CLK4: variants seen among roughly 807,000 people sequenced by gnomAD.
The protein encoded by CLK4 is dual specificity protein kinase CLK4.
CLK4 carries 37 observed loss-of-function variants against 64.4 expected under a neutral mutation model. That is an observed-to-expected ratio of 0.57 (90% CI 0.44 to 0.76). The LOEUF (loss-of-function observed/expected upper bound fraction) is 0.76, where lower values mean the gene tolerates loss of function less well. Ranked by LOEUF, CLK4 falls within the 30% of genes least tolerant of loss-of-function variation. The probability of loss-of-function intolerance (pLI) is 0.00; values close to 1 mark genes in which losing one functional copy is unlikely to be tolerated. For missense variants in CLK4, 457 were observed against 605.1 expected, an observed-to-expected ratio of 0.76 and a Z score of 2.57; for synonymous variants, 175 against 191.6, an observed-to-expected ratio of 0.91 and a Z score of 0.72.
At chr5:178,615,202 T>G (rs1190797194) in intron 5 of CLK4, among the ~76,000 whole-genome samples, 1 of 152,216 alleles carries the variant, frequency 6.6e-6, no homozygotes, top group African/African-American at 2.4e-5. Context: ...AAAAATTTTT[T>G]TTAAGATACA....
At chr5:178,612,215 G>A (rs1019912026) in intron 9 of CLK4, among the ~76,000 whole-genome samples, 3 of 152,066 alleles carry the variant, frequency 2.0e-5, no homozygotes, top group Non-Finnish European at 2.9e-5. Context: ...ACCACCACCT[G>A]GAATATCTTT....
chr5:178,609,409 G>A lies in CLK4; in HGVS notation c.1052-951C>T, dbSNP rs556325679. Among the ~76,000 whole-genome samples the A allele has an allele frequency of 6.5e-4, 99 of 152,244 alleles. 1 individual carries two copies. The South Asian group carries it at 0.02, about 30-fold the overall frequency. ...GATAATAATAGAGCATGGGCCAGGCGCGGTGGCTCATGCCTGTAATCCCAG... is the reference window on the plus strand; with the variant it reads ...GATAATAATAGAGCATGGGCCAGGCACGGTGGCTCATGCCTGTAATCCCAG... On this transcript the variant is annotated intron_variant, in intron 9 of 12. Transcript: ENST00000316308.
In CLK4 at chr5:178,612,651, A is replaced by G. The variant is rs550008874; in HGVS notation, c.922-106T>C. On this transcript the variant is annotated intron_variant, in intron 8 of 12. Coordinates refer to ENST00000316308, the MANE Select transcript of CLK4 (RefSeq NM_020666.3). ...TCTTCTTGATTGTCAAAGTAAGCTCATGAGAAAGGCAAAGAAGGATTACTT... is the reference window on the plus strand; with the variant it reads ...TCTTCTTGATTGTCAAAGTAAGCTCGTGAGAAAGGCAAAGAAGGATTACTT... The G allele has an allele frequency of 3.1e-6, 4 of 1,282,214 alleles. No homozygotes were observed. The African/African-American group carries it at 5.9e-5, about 19-fold the overall frequency. The allele number at this position is 1,282,214 out of a possible 1,614,324, so 79.4% of individuals were successfully genotyped here. A position where few individuals can be genotyped will look rare whatever the true frequency, so the allele number is the denominator to read the frequency against.
chr5:178,613,238 T>G lies in CLK4; in HGVS notation c.826+235A>C, dbSNP rs567783797. ...AGATCGAGACCATCCTGGCTAACAC[T>G]GTGAAATCCCATCTCTACTAAAAAT... On this transcript the variant is annotated intron_variant, in intron 7 of 12. Transcript: ENST00000316308. 1.1e-3 allele frequency among the ~76,000 whole-genome samples: 164 copies of G among 152,138 alleles called. 1 individual carries two copies. Among genetic ancestry groups the G allele is most frequent in the Non-Finnish European group, 2.0e-3 (136 of 67,990 alleles).
intron 1 of CLK4, among the ~76,000 whole-genome samples, chr5:178,625,923 A>C (rs774468729): frequency 1.3e-5 from 2 of 152,258 alleles, no homozygotes; most frequent in Non-Finnish European, 2.9e-5. Flanking sequence ...CTTCGCATAC[A>C]TAAAAAAGAA....
intron 1 of CLK4, among the ~76,000 whole-genome samples, chr5:178,624,349 T>A (rs1482366692): frequency 1.3e-5 from 2 of 152,228 alleles, no homozygotes; most frequent in Non-Finnish European, 2.9e-5. Context: ...ACTCATTTTC[T>A]CTATCCAACA....
chr5:178,615,903 T>C (rs143860496), intron 5 of CLK4, among the ~76,000 whole-genome samples: 25 of 152,312 alleles, frequency 1.6e-4, no homozygotes, highest in Non-Finnish European at 3.4e-4. Flanking sequence ...AATGTCTTTA[T>C]AGTTTAGGAA....
chr5:178,622,925 A>G (rs1412280577), intron 2 of CLK4: 10 of 262,076 alleles, frequency 3.8e-5, no homozygotes, highest in Admixed American at 1.2e-4. Flanking sequence ...TGGGCATTCT[A>G]TCACTATTAC....
At chr5:178,613,877 G>A (rs758007525) in intron 5 of CLK4, 34 bp from the exon 6 acceptor site, 1 of 1,495,122 alleles carries the variant, frequency 6.7e-7, no homozygotes, top group Non-Finnish European at 9.3e-7. Flanking sequence ...AATGATAAAT[G>A]TACAAGAGTG....
intron 5 of CLK4, among the ~76,000 whole-genome samples, chr5:178,615,943 G>A (rs1764620914): frequency 6.6e-6 from 1 of 152,164 alleles, no homozygotes; most frequent in Non-Finnish European, 1.5e-5. Flanking sequence ...GATTAGACAT[G>A]CTTTATTGCC....
chr5:178,622,391 A>G (rs2113814737), intron 2 of CLK4: 2 of 982,172 alleles, frequency 2.0e-6, no homozygotes, highest in Non-Finnish European at 2.4e-6. Flanking sequence ...GAAATTACAT[A>G]CTGTTTTTTA....
chr5:178,609,721 A>G (rs911227714), intron 9 of CLK4, among the ~76,000 whole-genome samples: 2 of 129,096 alleles, frequency 1.5e-5, no homozygotes, highest in Non-Finnish European at 3.2e-5. Flanking sequence ...ATAAAAAATA[A>G]TAAAAATTTT....
chr5:178,623,313 C>G lies in CLK4; in HGVS notation c.104G>C (p.Ser35Thr). 6.2e-7 allele frequency: 1 copy of G among 1,614,030 alleles called. No individual in the cohort carries two copies. The highest frequency in any genetic ancestry group is 8.5e-7 in the Non-Finnish European group (1 of 1,179,944). ...ACAATGCCTGTTCTCTTGTGTGCTA[C>G]TATGAGATCTCCTCTTCCGCTTGTG... ...GSHKRKRRSH[S>T]STQENRHCKP... The change falls in exon 2 of 13, where the codon AGT (serine) becomes ACT (threonine). Residue 35 changes from serine (S) to threonine (T), a missense_variant. Ser to Thr is a moderately conservative substitution (Grantham distance 58). Transcript: ENST00000316308.
chr5:178,616,517 C>T (rs188812400), intron 5 of CLK4, among the ~76,000 whole-genome samples: 26 of 152,240 alleles, frequency 1.7e-4, no homozygotes, highest in Non-Finnish European at 2.5e-4. Context: ...CCATCTTGGC[C>T]GGGCACAGGG....
chr5:178,618,514 C>T (rs182200882), intron 3 of CLK4, 42 bp downstream of exon 3: 8 of 1,409,024 alleles, frequency 5.7e-6, no homozygotes, highest in East Asian at 2.3e-5. Context: ...AGAGTACACA[C>T]AAATAAAACT....
intron 2 of CLK4, chr5:178,622,358 G>A: frequency 3.4e-6 from 3 of 890,268 alleles, no homozygotes; most frequent in Non-Finnish European, 2.7e-6. Flanking sequence ...GGCAGAACAA[G>A]TCTGTTAACG....
chr5:178,624,821 T>A (rs945769237), intron 1 of CLK4, among the ~76,000 whole-genome samples: 11 of 152,222 alleles, frequency 7.2e-5, no homozygotes, highest in African/African-American at 2.6e-4. Flanking sequence ...GGATTAAAGG[T>A]TTTGGAGTGA....
chr5:178,611,302 C>G (rs766139792), intron 9 of CLK4, among the ~76,000 whole-genome samples: 4 of 152,148 alleles, frequency 2.6e-5, no homozygotes, highest in Non-Finnish European at 4.4e-5. Context: ...TACACAGTAG[C>G]TCCTTTCAAT....
chr5:178,625,701 C>T (rs1486893623), intron 1 of CLK4, among the ~76,000 whole-genome samples: 1 of 152,104 alleles, frequency 6.6e-6, no homozygotes, highest in Non-Finnish European at 1.5e-5. Flanking sequence ...TCCAGCAAAA[C>T]AGAACTCTCA....
Sources: gnomAD v4.1 joint callset for allele counts (sites outside exome capture counted in the v4.1 genomes callset) on GRCh38, gnomAD v4.1.1 for gene constraint, MANE v1.5 for transcripts, NCBI Gene and HGNC (gene_info 2026-07-23, HGNC 2026-07-21) for gene names.